The following ACER1 variants were observed in gnomAD, a reference collection of about 807,000 sequenced individuals.
ACER1 encodes alkaline ceramidase 1.
In ACER1, 28 loss-of-function variants were observed where a neutral mutation model predicts 24.9. The observed-to-expected ratio is 1.13, with a 90% CI of 0.83 to 1.54. The LOEUF (loss-of-function observed/expected upper bound fraction) is 1.54. Among genes scored for constraint, ACER1 ranks in the 40% most tolerant of loss-of-function variants. The pLI, the probability that ACER1 is intolerant of heterozygous loss-of-function variation, is 0.00. For missense variants in ACER1, 352 were observed against 349.3 expected (o/e 1.01, Z -0.06); for synonymous variants, 132 against 131.4 (o/e 1.00, Z -0.03).
chr19:6,319,002 T>C (rs2091617348), intron 1 of ACER1, among the ~76,000 whole-genome samples: 3 of 151,798 alleles, frequency 2.0e-5, no homozygotes, highest in South Asian at 4.2e-4. Flanking sequence ...CAATGGTACC[T>C]TGCAGGCTGA....
intron 1 of ACER1, among the ~76,000 whole-genome samples, chr19:6,329,771 T>A (rs2145018104): frequency 6.6e-6 from 1 of 152,214 alleles, no homozygotes; most frequent in East Asian, 1.9e-4. Flanking sequence ...GGTGGTGCAG[T>A]AACAGGTTAC....
At chr19:6,360,347 C>T in the ACER1 span, 6 of 152,038 alleles carry the variant, frequency 3.9e-5, no homozygotes, top group African/African-American at 9.6e-5. Context: ...CTCTGGGACC[C>T]CTCTTCCAAG....
At chr19:6,351,249 C>T in the ACER1 span, among the ~76,000 whole-genome samples, 1 of 151,946 alleles carries the variant, frequency 6.6e-6, no homozygotes, top group African/African-American at 2.4e-5. Flanking sequence ...ACCTGTTGTC[C>T]CAGCTACGCA....
chr19:6,356,384 T>A, the ACER1 span, among the ~76,000 whole-genome samples: 4,799 of 142,526 alleles, frequency 0.034, 121 homozygotes, highest in African/African-American at 0.055. Context: ...CCTTGTTCAC[T>A]TGTTTATCTG....
intron 1 of ACER1, 102 bp downstream of exon 1, chr19:6,333,357 A>G (rs1383103860): frequency 2.0e-5 from 19 of 929,026 alleles, no homozygotes. Flanking sequence ...GGGCTGAGAC[A>G]GGTGAACCAC....
At chr19:6,354,269 G>T in the ACER1 span, among the ~76,000 whole-genome samples, 1 of 151,486 alleles carries the variant, frequency 6.6e-6, no homozygotes, top group Non-Finnish European at 1.5e-5. Flanking sequence ...CCCCCTGGAG[G>T]ATACTTGGCA....
chr19:6,340,344 GAA>G, the ACER1 span, among the ~76,000 whole-genome samples: 3 of 133,416 alleles, frequency 2.2e-5, 1 homozygote, highest in East Asian at 7.3e-4. Flanking sequence ...AGGAAGGAAG[GAA>G]GGAAGGAAGG....
intron 1 of ACER1, among the ~76,000 whole-genome samples, chr19:6,321,852 T>C (rs941169230): frequency 2.0e-5 from 3 of 150,988 alleles, no homozygotes; most frequent in African/African-American, 7.4e-5. Flanking sequence ...CCTCAGGTCA[T>C]CTGCCCACCA....
intron 1 of ACER1, among the ~76,000 whole-genome samples, chr19:6,321,519 G>C (rs1327465022): frequency 4.6e-5 from 7 of 152,156 alleles, no homozygotes. Context: ...GCATCTTGTA[G>C]CCTTGACTTT....
chr19:6,334,857 A>T (rs2091706323), upstream of ACER1, among the ~76,000 whole-genome samples: 1 of 149,860 alleles, frequency 6.7e-6, no homozygotes, highest in East Asian at 2.0e-4. Context: ...TTTTTTTGAG[A>T]TGGAGTCTTG....
chr19:6,329,173 T>C (rs1375995450), intron 1 of ACER1, among the ~76,000 whole-genome samples: 1 of 151,538 alleles, frequency 6.6e-6, no homozygotes, highest in East Asian at 1.9e-4. Context: ...AAAAATAAAA[T>C]AAAATAAACA....
the ACER1 span, among the ~76,000 whole-genome samples, chr19:6,352,664 C>T: frequency 2.0e-5 from 3 of 152,210 alleles, no homozygotes; most frequent in African/African-American, 7.2e-5. Context: ...CACAGGTGCA[C>T]ACCTTTGATC....
At chr19:6,319,547 C>T (rs749822285) in intron 1 of ACER1, among the ~76,000 whole-genome samples, 1 of 152,056 alleles carries the variant, frequency 6.6e-6, no homozygotes, top group Non-Finnish European at 1.5e-5. Flanking sequence ...CCAAGCATCC[C>T]TTGAGTACCT....
intron 5 of ACER1, 135 bp from the exon 6 acceptor site, chr19:6,307,017 C>T: frequency 6.7e-7 from 1 of 1,490,138 alleles, no homozygotes; most frequent in Non-Finnish European, 9.0e-7. Context: ...CTGCAGCCTT[C>T]CCCTACCGCC....
In ACER1 at chr19:6,312,476, G is replaced by A; in HGVS notation, c.117C>T (p.Ile39=). Residue 39 remains isoleucine, a synonymous_variant, in exon 2 of 6, where the codon ATC becomes ATT. Coordinates refer to ENST00000301452, the MANE Select transcript of ACER1 (RefSeq NM_133492.3). The part of the protein sequence containing the change: ...YNTFSNIPFF[I]FGPLMMLLMH... ...TCAGGAGCATCATCAGTGGCCCGAA[G>A]ATGAAGAAGGGGATATTGGAGAACT... is the stretch of plus-strand genomic sequence containing the variant. The A allele has an allele frequency of 6.2e-7, 1 of 1,613,896 alleles. No homozygotes were observed. The highest frequency in any genetic ancestry group is 8.5e-7 in the Non-Finnish European group (1 of 1,179,978).
intron 3 of ACER1, among the ~76,000 whole-genome samples, chr19:6,310,465 G>A (rs2091573685): frequency 6.6e-6 from 1 of 152,052 alleles, no homozygotes; most frequent in South Asian, 2.1e-4. Context: ...CAGCTACTCA[G>A]GAGGCTGAGG....
the ACER1 span, among the ~76,000 whole-genome samples, chr19:6,357,457 G>A: frequency 6.6e-6 from 1 of 151,578 alleles, no homozygotes; most frequent in Non-Finnish European, 1.5e-5. Context: ...TCAGCAGGGG[G>A]GACGGGGAAC....
the ACER1 span, among the ~76,000 whole-genome samples, chr19:6,340,835 C>T: frequency 6.6e-6 from 1 of 152,118 alleles, no homozygotes; most frequent in Non-Finnish European, 1.5e-5. Context: ...GAGAGGGTGA[C>T]AAACAGAGGC....
At chr19:6,309,011 C>T (rs1228362978) in intron 4 of ACER1, among the ~76,000 whole-genome samples, 1 of 151,788 alleles carries the variant, frequency 6.6e-6, no homozygotes, top group Non-Finnish European at 1.5e-5. Flanking sequence ...CCAGCCTGGC[C>T]AACATGACGA....
Sources: gnomAD v4.1 joint callset for allele counts (sites outside exome capture counted in the v4.1 genomes callset) on GRCh38, gnomAD v4.1.1 for gene constraint, MANE v1.5 for transcripts, NCBI Gene and HGNC (gene_info 2026-07-23, HGNC 2026-07-21) for gene names.